The following GAK variants were observed in gnomAD, a reference collection of about 807,000 sequenced individuals.
GAK encodes cyclin-G-associated kinase.
Under a neutral mutation model 143.9 loss-of-function variants are expected in GAK, and 79 were observed. The ratio of observed to expected loss-of-function variants is 0.55; its 90% CI spans 0.46 to 0.66. GAK has a LOEUF of 0.66. Among genes scored for constraint, GAK ranks in the 30% least tolerant of loss-of-function variants. The probability of loss-of-function intolerance (pLI) is 0.00; values close to 1 mark genes in which losing one functional copy is unlikely to be tolerated. For synonymous variants in GAK, 881 were observed against 765.5 expected (o/e 1.15, Z -2.49); for missense variants, 1,693 against 1,779.7 (o/e 0.95, Z 0.88).
intron 1 of GAK, among the ~76,000 whole-genome samples, chr4:919,846 G>T (rs1485619991): frequency 6.6e-6 from 1 of 152,204 alleles, no homozygotes; most frequent in Non-Finnish European, 1.5e-5. Context: ...CACCTAAGTG[G>T]TGCCTGACCA....
chr4:911,910 T>C lies in GAK; in HGVS notation c.268-123A>G, dbSNP rs1022158078. 4.0e-6 allele frequency: 3 copies of C among 744,990 alleles called. No individual in the cohort carries two copies. The African/African-American group carries it at 5.3e-5, about 13-fold the overall frequency. 46.1% of individuals were successfully genotyped at this position (744,990 alleles called of 1,614,324 possible). A position where few individuals can be genotyped will look rare whatever the true frequency, so the allele number is the denominator to read the frequency against. ...ATACTTGAATCGAACCCTTACAATTTTAGACGTCAGAGCGGAAGATGAGGG... is the reference window on the plus strand; with the variant it reads ...ATACTTGAATCGAACCCTTACAATTCTAGACGTCAGAGCGGAAGATGAGGG... On this transcript the variant is annotated intron_variant, in intron 3 of 27. Coordinates refer to ENST00000314167, the MANE Select transcript of GAK (RefSeq NM_005255.4).
At chr4:868,984 GCA>G in intron 19 of GAK, 1 of 408,498 alleles carries the variant, frequency 2.4e-6, no homozygotes, top group Non-Finnish European at 4.6e-6. Context: ...ACACATGAAT[GCA>G]CACACACAGC....
Position 911,657 on chromosome 4 carries a change from C to T in GAK, c.382+16G>A, listed in dbSNP as rs753837395. 2 of 1,594,810 alleles carry T rather than the reference C, an allele frequency of 1.3e-6. No homozygotes were observed. The highest frequency in any genetic ancestry group is 1.7e-6 in the Non-Finnish European group (2 of 1,162,806). On this transcript the variant is annotated intron_variant, in intron 4 of 27. Coordinates refer to ENST00000314167, the MANE Select transcript of GAK (RefSeq NM_005255.4). ...CTGGGTTAGATGGCACCAAGCCGGCCTTCACAGGACGTTACCTTTACAGAG... is the reference window on the plus strand; with the variant it reads ...CTGGGTTAGATGGCACCAAGCCGGCTTTCACAGGACGTTACCTTTACAGAG...
At chr4:926,933 A>T (rs376440633) in intron 1 of GAK, among the ~76,000 whole-genome samples, 1,101 of 6,910 alleles carry the variant, frequency 0.16, 217 homozygotes, top group East Asian at 0.38. Context: ...CCGGCTCACC[A>T]GCGCTCCGCA....
Position 888,837 on chromosome 4 carries a change from T to A in GAK, c.1205+10A>T. 1 of 1,597,592 alleles carries A rather than the reference T, an allele frequency of 6.3e-7. No homozygotes were observed. The highest frequency in any genetic ancestry group is 8.5e-7 in the Non-Finnish European group (1 of 1,173,472). The stretch of plus-strand genomic sequence containing the variant: ...GCGGCAGGTCCAGGGCTCTGGAGCC[T>A]CACACTCACTTAGCGACGGACTGGA... On this transcript the variant is annotated intron_variant, in intron 11 of 27. Coordinates refer to ENST00000314167, the MANE Select transcript of GAK (RefSeq NM_005255.4).
At chr4:884,153 A>C (rs1484884282) in intron 11 of GAK, 67 bp from the exon 12 acceptor site, 7 of 1,435,036 alleles carry the variant, frequency 4.9e-6, no homozygotes, top group Non-Finnish European at 6.9e-6. Flanking sequence ...ACAGGGCTTA[A>C]GCCAGAGCCC....
At chr4:860,780 C>T (rs536265734) in intron 23 of GAK, among the ~76,000 whole-genome samples, 240 of 150,296 alleles carry the variant, frequency 1.6e-3, no homozygotes, top group Non-Finnish European at 3.0e-3. Flanking sequence ...GGCCCTGGCG[C>T]ACCTCGCACT....
chr4:895,825 C>G (rs1718661808), intron 7 of GAK, among the ~76,000 whole-genome samples: 1 of 152,170 alleles, frequency 6.6e-6, no homozygotes, highest in Non-Finnish European at 1.5e-5. Context: ...CGCAGCAAGG[C>G]TGGGGTGTGG....
At chr4:895,038 G>T (rs1718510897) in intron 7 of GAK, among the ~76,000 whole-genome samples, 1 of 151,568 alleles carries the variant, frequency 6.6e-6, no homozygotes, top group African/African-American at 2.4e-5. Context: ...AAAATTCCGG[G>T]GTTCCCACAC....
At chr4:880,618 C>T (rs921158516) in intron 15 of GAK, among the ~76,000 whole-genome samples, 53 of 152,142 alleles carry the variant, frequency 3.5e-4, no homozygotes, top group Non-Finnish European at 6.9e-4. Context: ...TGGCCTCCAC[C>T]GGTTGGACTC....
At chr4:896,059 C>T (rs1019693393) in intron 7 of GAK, among the ~76,000 whole-genome samples, 1 of 152,106 alleles carries the variant, frequency 6.6e-6, no homozygotes, top group African/African-American at 2.4e-5. Flanking sequence ...CTCAGGAGTT[C>T]GAGACCGGCC....
chr4:884,990 A>C (rs543968006), intron 11 of GAK, among the ~76,000 whole-genome samples: 2 of 151,792 alleles, frequency 1.3e-5, no homozygotes, highest in African/African-American at 2.4e-5. Flanking sequence ...CTAAACCCGC[A>C]GAGCAGGTGC....
chr4:880,968 C>T (rs1387384082), intron 15 of GAK, among the ~76,000 whole-genome samples: 1 of 152,158 alleles, frequency 6.6e-6, no homozygotes, highest in African/African-American at 2.4e-5. Flanking sequence ...TGGAGGGGCT[C>T]CCAACTTTGC....
rs756270446 is a variant in GAK, at chr4:866,967, G to T, written c.2861C>A (p.Pro954His). The stretch of plus-strand genomic sequence containing the variant: ...ACAGAAACACGTACCAGCGGCAGGG[G>T]GCCCTCCTCTTGGGGTGCTCTGCAC... Reference protein sequence around the residue: ...LSVQSTPRGGPPAAADPFGPL... With the variant: ...LSVQSTPRGGHPAAADPFGPL... The change falls in exon 21 of 28, where the codon CCC becomes CAC. Residue 954 changes from proline (P) to histidine (H), a missense_variant. This residue lies in a region of GAK where 822 missense variants were observed against 788.7 expected (regional missense o/e 1.04). Coordinates refer to ENST00000314167, the MANE Select transcript of GAK (RefSeq NM_005255.4). 1.3e-6 allele frequency: 2 copies of T among 1,486,852 alleles called. No individual in the cohort carries two copies. The highest frequency in any genetic ancestry group is 1.4e-5 in the African/African-American group (1 of 70,806). The allele number at this position is 1,486,852 out of a possible 1,614,324, so 92.1% of individuals were successfully genotyped here. A position where few individuals can be genotyped will look rare whatever the true frequency, so the allele number is the denominator to read the frequency against.
intron 4 of GAK, among the ~76,000 whole-genome samples, chr4:908,438 G>A (rs992654254): frequency 1.3e-5 from 2 of 152,206 alleles, no homozygotes; most frequent in South Asian, 2.1e-4. Flanking sequence ...CTTGGTGGGA[G>A]GATCACCTGA....
intron 19 of GAK, 121 bp downstream of exon 19, chr4:870,590 C>A: frequency 1.0e-6 from 1 of 990,420 alleles, no homozygotes; most frequent in Non-Finnish European, 1.5e-6. Context: ...CCAAGCTGCT[C>A]AGGGCCTGGG....
At chr4:884,007 G>A (rs371078411) in intron 12 of GAK, 30 bp downstream of exon 12, 152 of 1,604,554 alleles carry the variant, frequency 9.5e-5, no homozygotes, top group African/African-American at 1.7e-4. Flanking sequence ...GGGCCGGGGC[G>A]CGTCCCACAG....
At chr4:852,145 C>T (rs1748278425) in intron 24 of GAK, 171 bp from the exon 25 acceptor site, 2 of 657,898 alleles carry the variant, frequency 3.0e-6, no homozygotes, top group African/African-American at 3.6e-5. Flanking sequence ...TGAAGGTCTC[C>T]AGGGGCTGGA....
intron 10 of GAK, among the ~76,000 whole-genome samples, chr4:889,558 TCCAGCCAGCAGAGAC>T: frequency 6.6e-6 from 1 of 152,062 alleles, no homozygotes; most frequent in Non-Finnish European, 1.5e-5. Flanking sequence ...TCACCCTTCC[TCCAGCCAGCAGAGAC>T]CCAGCCAGCC....
Sources: allele counts gnomAD v4.1 joint callset (sites outside exome capture counted in the v4.1 genomes callset), GRCh38; gene constraint gnomAD v4.1.1; regional missense constraint gnomAD v4.1.1; transcripts MANE v1.5; gene names NCBI Gene and HGNC (gene_info 2026-07-23, HGNC 2026-07-21).